ERAP1: variants seen among roughly 807,000 people sequenced by gnomAD.
ERAP1 encodes the protein adipocyte-derived leucine aminopeptidase.
In ERAP1, 86 loss-of-function variants were observed where a neutral mutation model predicts 103.7. The observed-to-expected ratio is 0.83, with a 90% CI of 0.70 to 0.99. The LOEUF (loss-of-function observed/expected upper bound fraction) is 0.99, where lower values mean the gene tolerates loss of function less well. ERAP1 is among the 50% of genes least tolerant of loss of function. The probability of loss-of-function intolerance (pLI) is 0.00; values close to 1 mark genes in which losing one functional copy is unlikely to be tolerated. For missense variants in ERAP1, 1,009 were observed against 1,128.4 expected, an observed-to-expected ratio of 0.89 and a Z score of 1.52; for synonymous variants, 398 against 402.4, an observed-to-expected ratio of 0.99 and a Z score of 0.13.
chr5:96,911,416 T>C, the ERAP1 span, among the ~76,000 whole-genome samples: 5 of 152,154 alleles, frequency 3.3e-5, no homozygotes, highest in Non-Finnish European at 7.4e-5. Context: ...CTGGTTAATG[T>C]CCTCAAGATA....
the ERAP1 span, among the ~76,000 whole-genome samples, chr5:96,916,157 G>A: frequency 6.6e-6 from 1 of 151,734 alleles, no homozygotes; most frequent in Non-Finnish European, 1.5e-5. Context: ...GGAGGCGGAG[G>A]TTGCAGTGAG....
the ERAP1 span, among the ~76,000 whole-genome samples, chr5:96,926,983 A>G: frequency 9.2e-5 from 14 of 152,058 alleles, no homozygotes; most frequent in Admixed American, 9.2e-4. Flanking sequence ...TGCCTGGCTA[A>G]TTTTTTTATT....
chr5:96,806,318 G>C (rs934098199), intron 1 of ERAP1, among the ~76,000 whole-genome samples: 13 of 152,116 alleles, frequency 8.5e-5, no homozygotes, highest in African/African-American at 3.1e-4. Context: ...AAAAACAGTA[G>C]TCTACTCAAT....
the ERAP1 span, chr5:96,903,646 G>T: frequency 1.6e-6 from 2 of 1,247,360 alleles, no homozygotes; most frequent in Non-Finnish European, 2.2e-6. Flanking sequence ...GTTCAACATT[G>T]GTCATTGATT....
chr5:96,924,763 A>G, the ERAP1 span, among the ~76,000 whole-genome samples: 2,342 of 152,144 alleles, frequency 0.015, 60 homozygotes, highest in African/African-American at 0.054. Context: ...ATGCCAGGCT[A>G]ATTTTTGTAT....
chr5:96,792,319 T>C (rs80144245), intron 7 of ERAP1, 127 bp from the exon 8 acceptor site: 19,671 of 768,094 alleles, frequency 0.026, 342 homozygotes, highest in Non-Finnish European at 0.031. Context: ...TATTCCATAT[T>C]TCCTAATATT....
intron 1 of ERAP1, chr5:96,804,254 A>C (rs1164003044): frequency 7.7e-6 from 3 of 387,100 alleles, no homozygotes; most frequent in African/African-American, 2.1e-5. Context: ...TAGGCAGAAA[A>C]GGAATCATTA....
chr5:96,780,347 T>C (rs1581537195), intron 18 of ERAP1, 76 bp downstream of exon 18: 1 of 1,067,462 alleles, frequency 9.4e-7, no homozygotes, highest in Non-Finnish European at 1.3e-6. Context: ...ACCCTCAAAG[T>C]ATTTTGTCTA....
chr5:96,916,977 G>T, the ERAP1 span, among the ~76,000 whole-genome samples: 3 of 152,008 alleles, frequency 2.0e-5, no homozygotes, highest in East Asian at 3.9e-4. Context: ...TTTACCTATT[G>T]TTTGAAAATA....
At chr5:96,763,095 C>A (rs1768565530) in exon 20 of ERAP1, 2 of 775,348 alleles carry the variant, frequency 2.6e-6, no homozygotes, top group East Asian at 4.9e-5. Context: ...GCCTCATTTG[C>A]TAGATGGAGA....
chr5:96,836,156 A>T, the ERAP1 span, among the ~76,000 whole-genome samples: 1 of 147,206 alleles, frequency 6.8e-6, no homozygotes, highest in Non-Finnish European at 1.5e-5. Flanking sequence ...TTTACATTTC[A>T]GGGATTTTCC....
At chr5:96,854,594 G>A in the ERAP1 span, among the ~76,000 whole-genome samples, 1 of 152,090 alleles carries the variant, frequency 6.6e-6, no homozygotes, top group African/African-American at 2.4e-5. Flanking sequence ...AAAAATAATA[G>A]GGTCTTTGGG....
At chr5:96,783,849 ACACACATACACACAC>A in intron 14 of ERAP1, 60 bp downstream of exon 14, 5 of 400,964 alleles carry the variant, frequency 1.2e-5, no homozygotes, top group Non-Finnish European at 1.6e-5. Context: ...ACACACACAC[ACACACATACACACAC>A]AATGATTAAC....
At chr5:96,933,116 A>T in the ERAP1 span, among the ~76,000 whole-genome samples, 14 of 152,188 alleles carry the variant, frequency 9.2e-5, no homozygotes, top group African/African-American at 3.4e-4. Flanking sequence ...TATCCGTTGA[A>T]ACAAAACAAA....
chr5:96,785,443 G>A (rs12517853), intron 13 of ERAP1: 33,113 of 355,670 alleles, frequency 0.093, 2,004 homozygotes, highest in African/African-American at 0.18. Flanking sequence ...AACCTGATCC[G>A]GTATAGCGGG....
At chr5:96,790,817 A>T (rs1232758409) in intron 8 of ERAP1, among the ~76,000 whole-genome samples, 174 bp from the exon 9 acceptor site, 1 of 152,218 alleles carries the variant, frequency 6.6e-6, no homozygotes, top group Non-Finnish European at 1.5e-5. Context: ...CTGTTTAGGC[A>T]GGAGATTTGT....
chr5:96,917,416 C>A, the ERAP1 span: 8 of 1,561,498 alleles, frequency 5.1e-6, no homozygotes, highest in Non-Finnish European at 6.1e-6. Context: ...CCACCACACT[C>A]GGCCAAGACA....
the ERAP1 span, chr5:96,903,323 G>T: frequency 2.2e-6 from 3 of 1,381,752 alleles, no homozygotes; most frequent in Non-Finnish European, 3.0e-6. Flanking sequence ...TTCTGGAGAT[G>T]TTCTGAATAA....
At chr5:96,896,721 T>C in the ERAP1 span, 1 of 1,561,740 alleles carries the variant, frequency 6.4e-7, no homozygotes. Context: ...CTCTTTTGTT[T>C]TTTTTTAAAG....
Sources: allele counts gnomAD v4.1 joint callset (sites outside exome capture counted in the v4.1 genomes callset), GRCh38; gene constraint gnomAD v4.1.1; transcripts MANE v1.5; gene names NCBI Gene and HGNC (gene_info 2026-07-23, HGNC 2026-07-21).